The following PM20D2 variants were observed in gnomAD, a reference collection of about 807,000 sequenced individuals.
The protein encoded by PM20D2 is xaa-Arg dipeptidase.
Under a neutral mutation model 42.9 loss-of-function variants are expected in PM20D2, and 33 were observed. The observed-to-expected ratio is 0.77, with a 90% CI of 0.58 to 1.03. PM20D2 has a LOEUF of 1.03. PM20D2 is among the 50% of genes least tolerant of loss of function. The pLI, the probability that PM20D2 is intolerant of heterozygous loss-of-function variation, is 0.00. For missense variants in PM20D2, 548 were observed against 557.0 expected (o/e 0.98, Z 0.16); for synonymous variants, 250 against 228.2 (o/e 1.10, Z -0.86).
chr6:89,159,427 G>A lies in PM20D2; in HGVS notation c.1048+967G>A, dbSNP rs189515288. On this transcript the variant is annotated intron_variant, in intron 5 of 6. Transcript: ENST00000275072. ...GACTGAATAAGATGAATATGGTCTAGTGTCCACTGGACTCTAGTAATTAGA... is the reference window on the plus strand; with the variant it reads ...GACTGAATAAGATGAATATGGTCTAATGTCCACTGGACTCTAGTAATTAGA... Among the ~76,000 whole-genome samples, 392 of 152,286 alleles carry A rather than the reference G, an allele frequency of 2.6e-3. 2 individuals carry two copies. Among genetic ancestry groups the A allele is most frequent in the Non-Finnish European group, 3.9e-3 (268 of 68,008 alleles).
chr6:89,146,466 C>G lies in PM20D2; in HGVS notation c.322C>G (p.Leu108Val), dbSNP rs1258543943. 6.6e-7 allele frequency: 1 copy of G among 1,524,002 alleles called. No homozygotes were observed. Among genetic ancestry groups the G allele is most frequent in the East Asian group, 2.5e-5 (1 of 39,702 alleles). The allele number at this position is 1,524,002 out of a possible 1,614,324, so 94.4% of individuals were successfully genotyped here. ...GAGCGCCACGCCACGCCCGCTGCAC[C>G]TGGGCTTCCTCTGCGAGTACGACGC... ...APSATPRPLH[L>V]GFLCEYDALP... The change falls in exon 1 of 7, where the codon CTG becomes GTG. Residue 108 changes from leucine (L) to valine (V), a missense_variant. By Grantham distance (32) the Leu-to-Val change is conservative (BLOSUM62 1). Around this residue, in one of 3 missense-constraint regions of PM20D2, gnomAD observed 470 missense variants for 464.4 expected, o/e 1.01. Coordinates refer to ENST00000275072, the MANE Select transcript of PM20D2 (RefSeq NM_001010853.3).
the PM20D2 span, among the ~76,000 whole-genome samples, chr6:89,100,522 T>TAA: frequency 4.8e-5 from 7 of 144,732 alleles, no homozygotes; most frequent in Non-Finnish European, 1.5e-5. Flanking sequence ...CATGTTATGT[T>TAA]AAAAAAAAAA....
chr6:89,163,942 A>T lies in PM20D2; in HGVS notation c.*1679A>T, dbSNP rs2127783909. 1 of 152,312 alleles carries T rather than the reference A, an allele frequency of 6.6e-6. No homozygotes were observed. The highest frequency in any genetic ancestry group is 2.1e-4 in the South Asian group (1 of 4,828). The allele number at this position is 152,312 out of a possible 1,614,324, so 9.4% of individuals were successfully genotyped here. A position where few individuals can be genotyped will look rare whatever the true frequency, so the allele number is the denominator to read the frequency against. ...TGAAAATATTTTCTTTTTAGTGGCA[A>T]TTTTAAAAGCAGGCCTTAATATGGG... On this transcript the variant is annotated 3_prime_UTR_variant, in exon 7 of 7. Coordinates refer to ENST00000275072, the MANE Select transcript of PM20D2 (RefSeq NM_001010853.3).
At chr6:89,125,339 G>T in the PM20D2 span, among the ~76,000 whole-genome samples, 1 of 152,126 alleles carries the variant, frequency 6.6e-6, no homozygotes, top group East Asian at 1.9e-4. Context: ...AATTAGCTGG[G>T]TGTGGTGGCA....
chr6:89,125,088 G>C, the PM20D2 span, among the ~76,000 whole-genome samples: 2 of 152,028 alleles, frequency 1.3e-5, no homozygotes, highest in Non-Finnish European at 1.5e-5. Flanking sequence ...GTTTAATAAG[G>C]ATATTCTGAC....
At chr6:89,110,074 G>C in the PM20D2 span, among the ~76,000 whole-genome samples, 1 of 151,386 alleles carries the variant, frequency 6.6e-6, no homozygotes, top group Non-Finnish European at 1.5e-5. Flanking sequence ...CTGGGCAACA[G>C]AGCAAGACTC....
the PM20D2 span, among the ~76,000 whole-genome samples, chr6:89,103,611 G>A: frequency 1.3e-5 from 2 of 152,064 alleles, no homozygotes; most frequent in East Asian, 1.9e-4. Flanking sequence ...GATTACAGGC[G>A]TAAGCCACTG....
the PM20D2 span, among the ~76,000 whole-genome samples, chr6:89,130,509 T>A: frequency 1.6e-4 from 25 of 152,232 alleles, no homozygotes; most frequent in Non-Finnish European, 2.1e-4. Context: ...AATCTAGATA[T>A]AAAACACCTT....
At chr6:89,096,631 T>A in the PM20D2 span, 1 of 152,074 alleles carries the variant, frequency 6.6e-6, no homozygotes, top group Non-Finnish European at 1.5e-5. Flanking sequence ...CTATAATCAA[T>A]CCCTAGTTAT....
At chr6:89,098,639 T>G in the PM20D2 span, 1 of 1,614,008 alleles carries the variant, frequency 6.2e-7, no homozygotes, top group Non-Finnish European at 8.5e-7. Context: ...ATGAGAATGC[T>G]TTGCTGTTTG....
At chr6:89,132,320 A>ATG in the PM20D2 span, among the ~76,000 whole-genome samples, 1 of 144,854 alleles carries the variant, frequency 6.9e-6, no homozygotes, top group African/African-American at 2.9e-5. Context: ...TGTGCTGCCA[A>ATG]GCCACATTCA....
Position 89,146,548 on chromosome 6 carries a change from C to T in PM20D2, c.404C>T (p.Ala135Val). The T allele has an allele frequency of 6.7e-7, 1 of 1,497,462 alleles. No homozygotes were observed. Among genetic ancestry groups the T allele is most frequent in the Admixed American group, 2.2e-5 (1 of 46,326 alleles). 92.8% of individuals were successfully genotyped at this position (1,497,462 alleles called of 1,614,324 possible). ...AACCTCATCGCTGAGGTCGGGGCGGCGGCCGCGCTGGGCGTGAGGGGGGCC... is the reference window on the plus strand; with the variant it reads ...AACCTCATCGCTGAGGTCGGGGCGGTGGCCGCGCTGGGCGTGAGGGGGGCC... ...GHNLIAEVGAAAALGVRGALE... is the reference protein window; with the variant it reads ...GHNLIAEVGAVAALGVRGALE... The change falls in exon 1 of 7, where the codon GCG (alanine) becomes GTG (valine). Residue 135 changes from alanine to valine, a missense_variant. By Grantham distance (64) the Ala-to-Val change is moderately conservative. Coordinates refer to ENST00000275072, the MANE Select transcript of PM20D2 (RefSeq NM_001010853.3).
intron 6 of PM20D2, 107 bp downstream of exon 6, chr6:89,161,997 T>G: frequency 6.8e-7 from 1 of 1,460,152 alleles, no homozygotes; most frequent in Non-Finnish European, 9.5e-7. Context: ...CCTCAGTAAA[T>G]ACTGCACTGT....
the PM20D2 span, among the ~76,000 whole-genome samples, chr6:89,102,796 G>C: frequency 6.6e-6 from 1 of 152,102 alleles, no homozygotes; most frequent in African/African-American, 2.4e-5. Context: ...CTGTTGCCCA[G>C]GTTGGAGTGC....
the PM20D2 span, among the ~76,000 whole-genome samples, chr6:89,131,401 T>C: frequency 3.9e-5 from 6 of 152,066 alleles, no homozygotes; most frequent in Admixed American, 3.9e-4. Context: ...AAATTGAATC[T>C]ATCTGGCTGA....
chr6:89,163,052 C>A lies in PM20D2; in HGVS notation c.*789C>A, dbSNP rs1771298298. The stretch of plus-strand genomic sequence containing the variant: ...AAAGTGCTGGGATTACAGGCATGAG[C>A]CACCGCACCCGGCCTGCCAGTGTCT... On this transcript the variant is annotated 3_prime_UTR_variant, in exon 7 of 7. Coordinates refer to ENST00000275072, the MANE Select transcript of PM20D2 (RefSeq NM_001010853.3). 1 of 152,192 alleles carries A rather than the reference C, an allele frequency of 6.6e-6. No homozygotes were observed. The allele number at this position is 152,192 out of a possible 1,614,324, so 9.4% of individuals were successfully genotyped here.
chr6:89,108,902 T>C, the PM20D2 span, among the ~76,000 whole-genome samples: 1 of 152,244 alleles, frequency 6.6e-6, no homozygotes, highest in Admixed American at 6.5e-5. Flanking sequence ...CATCTACTTT[T>C]TGCCAGTAGC....
chr6:89,125,120 G>C, the PM20D2 span, among the ~76,000 whole-genome samples: 115 of 152,202 alleles, frequency 7.6e-4, no homozygotes, highest in African/African-American at 2.7e-3. Flanking sequence ...GGATGAATTG[G>C]AACAGTAGAG....
the PM20D2 span, chr6:89,098,599 A>G: frequency 3.7e-6 from 6 of 1,611,580 alleles, no homozygotes; most frequent in East Asian, 2.2e-5. Flanking sequence ...TTTTATGACG[A>G]TAACTTCGAG....
Sources: allele counts gnomAD v4.1 joint callset (sites outside exome capture counted in the v4.1 genomes callset), GRCh38; gene constraint gnomAD v4.1.1; regional missense constraint gnomAD v4.1.1; transcripts MANE v1.5; gene names NCBI Gene and HGNC (gene_info 2026-07-23, HGNC 2026-07-21).